The following TMEM132D variants were observed in gnomAD, a reference collection of about 807,000 sequenced individuals.
TMEM132D encodes the protein transmembrane protein 132D, also known as mature OL transmembrane protein.
In TMEM132D, 21 loss-of-function variants were observed where a neutral mutation model predicts 62.3. The ratio of observed to expected loss-of-function variants is 0.34; its 90% CI spans 0.24 to 0.49. The LOEUF (loss-of-function observed/expected upper bound fraction) is 0.49. Ranked by LOEUF, TMEM132D falls within the 20% of genes least tolerant of loss-of-function variation. The pLI is 0.99. For missense variants in TMEM132D, 1,346 were observed against 1,402.8 expected (o/e 0.96, Z 0.65); for synonymous variants, 621 against 575.6 (o/e 1.08, Z -1.13).
At chr12:129,611,423 G>C (rs757962816) in intron 2 of TMEM132D, among the ~76,000 whole-genome samples, 1 of 152,158 alleles carries the variant, frequency 6.6e-6, no homozygotes, top group Non-Finnish European at 1.5e-5. Context: ...TCTTCCTTTT[G>C]CTGTGATCCT....
intron 1 of TMEM132D, among the ~76,000 whole-genome samples, chr12:129,813,215 C>T (rs1223572070): frequency 2.0e-5 from 3 of 151,778 alleles, no homozygotes; most frequent in Admixed American, 6.6e-5. Flanking sequence ...CTCTAGTCCA[C>T]GCTGTCCTCA....
At chr12:129,650,573 G>A (rs1879901250) in intron 2 of TMEM132D, among the ~76,000 whole-genome samples, 1 of 152,168 alleles carries the variant, frequency 6.6e-6, no homozygotes. Flanking sequence ...CCCTTCTCTG[G>A]TGGAAGGTGA....
At chr12:129,197,268 T>C (rs762619128) in intron 5 of TMEM132D, among the ~76,000 whole-genome samples, 6 of 152,110 alleles carry the variant, frequency 3.9e-5, no homozygotes, top group African/African-American at 7.2e-5. Flanking sequence ...ACTCAACAGG[T>C]AAACATGCCC....
At chr12:129,151,098 G>A (rs967292916) in intron 5 of TMEM132D, among the ~76,000 whole-genome samples, 5 of 152,130 alleles carry the variant, frequency 3.3e-5, no homozygotes, top group African/African-American at 7.2e-5. Flanking sequence ...CCGACTTCAC[G>A]AGGCACATCC....
intron 5 of TMEM132D, among the ~76,000 whole-genome samples, chr12:129,092,692 G>GT (rs1354053225): frequency 2.6e-5 from 4 of 152,084 alleles, no homozygotes; most frequent in African/African-American, 7.2e-5. Context: ...GCGAAACTAT[G>GT]TCTCAAAAAA....
chr12:129,866,537 A>C (rs1874067985), intron 1 of TMEM132D, among the ~76,000 whole-genome samples: 1 of 152,016 alleles, frequency 6.6e-6, no homozygotes, highest in South Asian at 2.1e-4. Context: ...GCACATGTAT[A>C]CATATGTAAC....
At chr12:129,434,567 G>C (rs1210738391) in intron 3 of TMEM132D, among the ~76,000 whole-genome samples, 3 of 152,130 alleles carry the variant, frequency 2.0e-5, no homozygotes, top group Non-Finnish European at 4.4e-5. Context: ...CTAACCCAGG[G>C]CTGCAGAGGA....
chr12:129,598,227 T>C (rs553092237), intron 2 of TMEM132D, among the ~76,000 whole-genome samples: 4 of 152,224 alleles, frequency 2.6e-5, no homozygotes, highest in Non-Finnish European at 5.9e-5. Context: ...TCCTATAAAA[T>C]GCTCCTTATT....
intron 3 of TMEM132D, among the ~76,000 whole-genome samples, chr12:129,374,065 C>T (rs1171164921): frequency 6.6e-6 from 1 of 152,196 alleles, no homozygotes; most frequent in Non-Finnish European, 1.5e-5. Context: ...GAGTTTCCCT[C>T]ATTCCCCAAA....
chr12:129,743,978 A>C (rs1284427902), intron 1 of TMEM132D, among the ~76,000 whole-genome samples: 2 of 152,148 alleles, frequency 1.3e-5, no homozygotes, highest in Non-Finnish European at 2.9e-5. Flanking sequence ...CAAGTCACTC[A>C]ATTTGTGGCA....
At chr12:129,696,172 G>A (rs1881203495) in intron 2 of TMEM132D, among the ~76,000 whole-genome samples, 1 of 152,136 alleles carries the variant, frequency 6.6e-6, no homozygotes, top group African/African-American at 2.4e-5. Flanking sequence ...TATCGTCTGA[G>A]CCTCATCAAT....
chr12:129,614,267 A>G (rs1230376064), intron 2 of TMEM132D, among the ~76,000 whole-genome samples: 1 of 152,250 alleles, frequency 6.6e-6, no homozygotes, highest in Non-Finnish European at 1.5e-5. Flanking sequence ...GCTTAACCAA[A>G]GAGGGACTGA....
At chr12:129,434,426 G>A (rs923443674) in intron 3 of TMEM132D, among the ~76,000 whole-genome samples, 1 of 152,148 alleles carries the variant, frequency 6.6e-6, no homozygotes, top group African/African-American at 2.4e-5. Flanking sequence ...GTATTTGAGA[G>A]TGCCAATAGT....
At chr12:129,728,234 T>A (rs759515907) in intron 1 of TMEM132D, among the ~76,000 whole-genome samples, 1 of 152,202 alleles carries the variant, frequency 6.6e-6, no homozygotes, top group African/African-American at 2.4e-5. Flanking sequence ...GTGAAATCCA[T>A]CAGCACAGAA....
chr12:129,086,792 T>C (rs1355094795), intron 5 of TMEM132D, among the ~76,000 whole-genome samples: 1 of 151,190 alleles, frequency 6.6e-6, no homozygotes, highest in Non-Finnish European at 1.5e-5. Flanking sequence ...ATATTGTATA[T>C]AAATGTTATG....
intron 1 of TMEM132D, among the ~76,000 whole-genome samples, chr12:129,897,301 A>C (rs573689363): frequency 6.6e-6 from 1 of 152,330 alleles, no homozygotes; most frequent in South Asian, 2.1e-4. Flanking sequence ...CACAGCATCA[A>C]GCATCCTTCT....
chr12:129,281,887 AG>A (rs1881164467), intron 4 of TMEM132D, among the ~76,000 whole-genome samples: 1 of 152,138 alleles, frequency 6.6e-6, no homozygotes, highest in Non-Finnish European at 1.5e-5. Context: ...ACAAAAGACC[AG>A]GTGTCTTTCC....
chr12:129,450,750 C>CTT (rs869041495), intron 3 of TMEM132D, among the ~76,000 whole-genome samples: 1,620 of 102,462 alleles, frequency 0.016, 55 homozygotes, highest in African/African-American at 0.022. Context: ...TCCATCGCTT[C>CTT]TTTTTTTTTT....
chr12:129,455,476 G>A (rs142327558), intron 3 of TMEM132D, among the ~76,000 whole-genome samples: 164 of 152,294 alleles, frequency 1.1e-3, no homozygotes, highest in African/African-American at 3.7e-3. Flanking sequence ...GGAAGCACAC[G>A]TATATAACGT....
Sources: gnomAD v4.1 joint callset for allele counts (sites outside exome capture counted in the v4.1 genomes callset) on GRCh38, gnomAD v4.1.1 for gene constraint, MANE v1.5 for transcripts, NCBI Gene and HGNC (gene_info 2026-07-23, HGNC 2026-07-21) for gene names.